YARS1: variants seen among roughly 807,000 people sequenced by gnomAD.
The protein encoded by YARS1 is tyrosyl-tRNA synthetase 1.
Under a neutral mutation model 62.2 loss-of-function variants are expected in YARS1, and 36 were observed. The ratio of observed to expected loss-of-function variants is 0.58; its 90% CI spans 0.44 to 0.76. The LOEUF is 0.76. Ranked by LOEUF, YARS1 falls within the 30% of genes least tolerant of loss-of-function variation. YARS1 has a pLI of 0.00. For missense variants in YARS1, 524 were observed against 639.8 expected (o/e 0.82, Z 1.95); for synonymous variants, 234 against 244.9 (o/e 0.96, Z 0.42).
chr1:32,806,038 A>G (rs1247796152), intron 4 of YARS1, among the ~76,000 whole-genome samples: 1 of 152,200 alleles, frequency 6.6e-6, no homozygotes, highest in Admixed American at 6.5e-5. Flanking sequence ...AGGGTTATTA[A>G]TTAGCCTAAT....
chr1:32,783,840 G>A (rs1383670337), intron 8 of YARS1: 2 of 152,168 alleles, frequency 1.3e-5, no homozygotes, highest in African/African-American at 4.8e-5. Context: ...CTGAAATTCA[G>A]TTCTTCAACT....
chr1:32,816,322 A>C (rs1309372788), intron 1 of YARS1, among the ~76,000 whole-genome samples: 9 of 152,178 alleles, frequency 5.9e-5, no homozygotes, highest in Non-Finnish European at 1.0e-4. Context: ...AAGGCCTGCA[A>C]GGCTCCCGTG....
At chr1:32,799,035 G>T (rs72880555) in intron 4 of YARS1, among the ~76,000 whole-genome samples, 80 of 152,278 alleles carry the variant, frequency 5.3e-4, no homozygotes, top group African/African-American at 1.7e-3. Flanking sequence ...AAGGAACAGT[G>T]TTGACATAAA....
In YARS1 at chr1:32,776,102, C is replaced by T. The variant is rs773154497; in HGVS notation, c.1477-11G>A. The T allele has an allele frequency of 1.2e-6, 2 of 1,607,024 alleles. No homozygotes were observed. Among genetic ancestry groups the T allele is most frequent in the Non-Finnish European group, 8.5e-7 (1 of 1,174,158 alleles). ...AATTTTGAAGTCAGCCTGGACAAGA[C>T]AGATAAGAGAGATTTTAATGATGGT... On this transcript the variant is annotated splice_polypyrimidine_tract_variant and intron_variant, in intron 12 of 12. Transcript: ENST00000373477. This position sits in a 1 kb window ranked among gnomAD's most constrained non-coding sequence, Gnocchi z 4.0.
intron 1 of YARS1, among the ~76,000 whole-genome samples, chr1:32,816,356 T>TA (rs1638731933): frequency 6.6e-6 from 1 of 152,030 alleles, no homozygotes; most frequent in African/African-American, 2.4e-5. Flanking sequence ...CTACCTCTCT[T>TA]AAACAAATAA....
At chr1:32,801,140 C>A (rs766479174) in intron 4 of YARS1, among the ~76,000 whole-genome samples, 22 of 152,138 alleles carry the variant, frequency 1.4e-4, no homozygotes, top group Non-Finnish European at 2.5e-4. Context: ...AGTAAAAGAG[C>A]TTCCCAGGAA....
At chr1:32,780,797 T>C (rs971726506) in intron 10 of YARS1, 14 of 548,824 alleles carry the variant, frequency 2.6e-5, no homozygotes, top group Non-Finnish European at 4.3e-5. Context: ...AGACCAGATT[T>C]AACAGATAAA....
chr1:32,816,290 C>A (rs1024976416), intron 1 of YARS1, among the ~76,000 whole-genome samples: 15 of 152,118 alleles, frequency 9.9e-5, no homozygotes, highest in African/African-American at 3.6e-4. Context: ...AGAAGGAAGC[C>A]CAATTTAAAA....
intron 9 of YARS1, 22 bp from the exon 10 acceptor site, chr1:32,781,167 T>C (rs747364022): frequency 6.3e-7 from 1 of 1,598,314 alleles, no homozygotes; most frequent in Non-Finnish European, 8.6e-7. Context: ...AAGAACCCCA[T>C]GAGGTAGAAT....
At chr1:32,804,349 G>T (rs564926543) in intron 4 of YARS1, among the ~76,000 whole-genome samples, 1 of 150,866 alleles carries the variant, frequency 6.6e-6, no homozygotes, top group Non-Finnish European at 1.5e-5. Context: ...CCTCCCGGAC[G>T]GGGTGGCTGG....
At chr1:32,792,772 C>T (rs1365601606) in intron 5 of YARS1, among the ~76,000 whole-genome samples, 6 of 151,718 alleles carry the variant, frequency 4.0e-5, no homozygotes, top group South Asian at 2.1e-4. Context: ...CCCAGTTACT[C>T]GGGAGGCTGA....
chr1:32,780,802 G>C, intron 10 of YARS1: 1 of 558,898 alleles, frequency 1.8e-6, no homozygotes, highest in East Asian at 3.3e-5. Flanking sequence ...AGATTTAACA[G>C]ATAAACAAGT....
chr1:32,795,904 AT>A (rs1296884457), intron 5 of YARS1, among the ~76,000 whole-genome samples: 2 of 152,034 alleles, frequency 1.3e-5, no homozygotes, highest in Non-Finnish European at 2.9e-5. Flanking sequence ...TGTAAAAACC[AT>A]TCTTAGCTCA....
chr1:32,813,346 T>C (rs1638628309), intron 1 of YARS1, among the ~76,000 whole-genome samples: 2 of 152,160 alleles, frequency 1.3e-5, no homozygotes, highest in Non-Finnish European at 2.9e-5. Context: ...CAAGATGGAG[T>C]CTCACTCTGT....
rs777156625 is a variant in YARS1 at position 32,779,452 on chromosome 1, AC to A, written c.1405del (p.Val469Ter). The part of the protein sequence containing the change: ...AGSAPGEHVF[V>X]KGYEKGQPDE... ...TGGTTGGCCCTTTTCATAGCCCTTC[AC>A]AAACACGTGCTCACCAGGAGCAGAG... On this transcript the variant is annotated frameshift_variant, in exon 12 of 13. Coordinates refer to ENST00000373477, the MANE Select transcript of YARS1 (RefSeq NM_003680.4). LOFTEE classifies it high-confidence loss of function. 3 of 1,614,074 alleles carry A rather than the reference AC, an allele frequency of 1.9e-6. No homozygotes were observed. In the African/African-American group the frequency reaches 4.0e-5, roughly 22 times the overall value.
At chr1:32,811,316 C>A (rs984974638) in intron 1 of YARS1, 3 of 528,864 alleles carry the variant, frequency 5.7e-6, no homozygotes, top group South Asian at 2.0e-5. Flanking sequence ...TACCCACCCC[C>A]CTTCCTCAAG....
rs774466323 is a variant in YARS1 at position 32,810,939 on chromosome 1, A to G, written c.176T>C (p.Ile59Thr). The G allele has an allele frequency of 3.0e-5, 48 of 1,613,974 alleles. No homozygotes were observed. The highest frequency in any genetic ancestry group is 3.9e-5 in the Non-Finnish European group (46 of 1,180,026). Residue 59 changes from isoleucine to threonine, a missense_variant, in exon 2 of 13, where the codon ATT (isoleucine) becomes ACT (threonine). Coordinates refer to ENST00000373477, the MANE Select transcript of YARS1 (RefSeq NM_003680.4). Reference protein sequence around the residue: ...HVAYFVPMSKIADFLKAGCEV... With the variant: ...HVAYFVPMSKTADFLKAGCEV... ...ACACCCTGCCTTTAAGAAGTCTGCA[A>G]TCTTTGACATGGGCACAAAGTAAGC... is the stretch of plus-strand genomic sequence containing the variant.
intron 4 of YARS1, among the ~76,000 whole-genome samples, chr1:32,800,660 G>A (rs898268081): frequency 2.6e-5 from 4 of 151,764 alleles, no homozygotes; most frequent in Admixed American, 6.6e-5. Context: ...TGCGAGCTCC[G>A]CCTCCTAGGT....
chr1:32,791,358 C>A, intron 5 of YARS1, 104 bp from the exon 6 acceptor site: 2 of 898,176 alleles, frequency 2.2e-6, no homozygotes, highest in Non-Finnish European at 1.9e-6. Context: ...TGTTATATTG[C>A]TTCCAATCTT....
Sources: allele counts gnomAD v4.1 joint callset (sites outside exome capture counted in the v4.1 genomes callset), GRCh38; gene constraint gnomAD v4.1.1; non-coding constraint Gnocchi (gnomAD v3.1); transcripts MANE v1.5; gene names NCBI Gene and HGNC (gene_info 2026-07-23, HGNC 2026-07-21).